ARID1B: variants seen among roughly 807,000 people sequenced by gnomAD.
The protein encoded by ARID1B is AT-rich interactive domain-containing protein 1B.
In ARID1B, 30 loss-of-function variants were observed where a neutral mutation model predicts 212.3. The observed-to-expected ratio is 0.14, with a 90% CI of 0.11 to 0.19. The LOEUF is 0.19. ARID1B is among the 10% of genes least tolerant of loss of function. The pLI, the probability that ARID1B is intolerant of heterozygous loss-of-function variation, is 1.00. For synonymous variants in ARID1B, 1,402 were observed against 1,301.7 expected, an observed-to-expected ratio of 1.08 and a Z score of -1.66; for missense variants, 2,891 against 3,204.0, an observed-to-expected ratio of 0.90 and a Z score of 2.36.
Position 156,779,186 on chromosome 6 carries a change from C to A in ARID1B, c.1506C>A (p.Leu502=). The A allele has an allele frequency of 1.5e-6, 2 of 1,343,002 alleles. No individual in the cohort carries two copies. Among genetic ancestry groups the A allele is most frequent in the Non-Finnish European group, 9.6e-7 (1 of 1,038,740 alleles). The allele number at this position is 1,343,002 out of a possible 1,614,324, so 83.2% of individuals were successfully genotyped here. Reference sequence around the variant, plus strand: ...ACCCGTCGGGGGCCACCCCGACCCTCAATCAGCTGCTCACCTCGCCCAGCC... The same window carrying A: ...ACCCGTCGGGGGCCACCCCGACCCTAAATCAGCTGCTCACCTCGCCCAGCC... ...NQHPSGATPT[L]NQLLTSPSPM... The change falls in exon 1 of 20, where the codon CTC becomes CTA. Residue 502 remains leucine, a synonymous_variant. Coordinates refer to ENST00000636930, the MANE Select transcript of ARID1B (RefSeq NM_001374828.1).
chr6:157,016,545 C>A (rs1424044114), intron 4 of ARID1B, among the ~76,000 whole-genome samples: 2 of 152,226 alleles, frequency 1.3e-5, no homozygotes, highest in African/African-American at 2.4e-5. Flanking sequence ...GCTGGGACCA[C>A]TGTCTGTGTG....
In ARID1B at chr6:157,160,669, G is replaced by A. The variant is rs769072971; in HGVS notation, c.3090-6371G>A. Among the ~76,000 whole-genome samples the A allele has an allele frequency of 3.0e-4, 45 of 152,224 alleles. 1 individual carries two copies. The highest frequency in any genetic ancestry group is 3.4e-3 in the Middle Eastern group (1 of 294). ...CCCAAGTGTCTTCCTGTTTCTCTTA[G>A]GATAAAGACCAAACCCAGAGAACCA... On this transcript the variant is annotated intron_variant, in intron 8 of 19. Coordinates refer to ENST00000636930, the MANE Select transcript of ARID1B (RefSeq NM_001374828.1).
chr6:156,920,749 T>C (rs558408724), intron 3 of ARID1B, among the ~76,000 whole-genome samples: 4 of 152,314 alleles, frequency 2.6e-5, no homozygotes, highest in Admixed American at 6.5e-5. Context: ...CTCTTTGCAT[T>C]AGCCTAGGGA....
At chr6:157,093,623 G>C (rs1583294540) in intron 5 of ARID1B, among the ~76,000 whole-genome samples, 1 of 152,204 alleles carries the variant, frequency 6.6e-6, no homozygotes, top group Non-Finnish European at 1.5e-5. Context: ...TGTTAATGTT[G>C]ATATTCTCCC....
In ARID1B at chr6:157,203,563, G is replaced by A. The variant is rs1339644167; in HGVS notation, c.5264-303G>A. ...TACCACATTGCAGACTCTGTAGGGT[G>A]GCTGAAAGAAATAACCCGGCCATGA... On this transcript the variant is annotated intron_variant, in intron 18 of 19. Coordinates refer to ENST00000636930, the MANE Select transcript of ARID1B (RefSeq NM_001374828.1). The surrounding 1 kb of genome is among the most constrained non-coding windows in gnomAD (Gnocchi z 4.4). 5 of 345,606 alleles carry A rather than the reference G, an allele frequency of 1.4e-5. No individual in the cohort carries two copies. Among genetic ancestry groups the A allele is most frequent in the East Asian group, 5.8e-5 (1 of 17,222 alleles). The allele number at this position is 345,606 out of a possible 1,614,324, so 21.4% of individuals were successfully genotyped here. A position where few individuals can be genotyped will look rare whatever the true frequency, so the allele number is the denominator to read the frequency against.
At chr6:156,845,231 G>A (rs1321698393) in intron 2 of ARID1B, among the ~76,000 whole-genome samples, 11 of 152,132 alleles carry the variant, frequency 7.2e-5, no homozygotes, top group Non-Finnish European at 1.5e-4. Flanking sequence ...TGATCTCCTG[G>A]TCAGAGCTGG....
At chr6:156,951,041 T>C (rs1279548987) in intron 4 of ARID1B, among the ~76,000 whole-genome samples, 2 of 152,188 alleles carry the variant, frequency 1.3e-5, no homozygotes, top group African/African-American at 4.8e-5. Flanking sequence ...TTTATAAAAG[T>C]GTTTAAAAAT....
intron 4 of ARID1B, chr6:157,023,462 AAAC>A (rs1200973576): frequency 9.2e-5 from 14 of 152,242 alleles, no homozygotes; most frequent in Non-Finnish European, 1.8e-4. Flanking sequence ...TTAAAAAAGA[AAAC>A]AATACAAATT....
chr6:156,905,407 T>C (rs1168854459), intron 3 of ARID1B, among the ~76,000 whole-genome samples: 1 of 152,188 alleles, frequency 6.6e-6, no homozygotes, highest in African/African-American at 2.4e-5. Context: ...GGAGAATTCC[T>C]TCTTGCTTAG....
chr6:156,885,057 A>C (rs1442308209), intron 2 of ARID1B, among the ~76,000 whole-genome samples: 1 of 152,124 alleles, frequency 6.6e-6, no homozygotes, highest in East Asian at 1.9e-4. Context: ...TTAAAGTGAA[A>C]ATCATTGTAG....
chr6:157,113,905 T>C (rs374576115), intron 6 of ARID1B, among the ~76,000 whole-genome samples: 1 of 152,360 alleles, frequency 6.6e-6, no homozygotes, highest in African/African-American at 2.4e-5. Flanking sequence ...TTATTAAAAC[T>C]TAGGAAGAAA....
In ARID1B at chr6:157,167,192, T is replaced by A. The variant is rs367584953; in HGVS notation, c.3235+7T>A. On this transcript the variant is annotated splice_region_variant and intron_variant, in intron 9 of 19. Transcript: ENST00000636930. ...ATGGTGAACAGCTCGGCAGGTAACC[T>A]TGGCAGCTCTGCGCTCCTGAGCCCC... 15 of 1,603,612 alleles carry A rather than the reference T, an allele frequency of 9.4e-6. No individual in the cohort carries two copies. The highest frequency in any genetic ancestry group is 1.3e-5 in the African/African-American group (1 of 74,810).
intron 8 of ARID1B, among the ~76,000 whole-genome samples, chr6:157,157,461 C>T (rs1012664943): frequency 6.6e-6 from 1 of 152,180 alleles, no homozygotes; most frequent in African/African-American, 2.4e-5. Context: ...AGGCTGATGA[C>T]CAGCAGGTGG....
At chr6:156,792,891 G>A (rs1780104986) in intron 1 of ARID1B, among the ~76,000 whole-genome samples, 1 of 151,938 alleles carries the variant, frequency 6.6e-6, no homozygotes, top group African/African-American at 2.4e-5. Flanking sequence ...TAATGGATAC[G>A]ATAGACTATG....
intron 2 of ARID1B, among the ~76,000 whole-genome samples, chr6:156,864,856 G>A (rs1253981410): frequency 6.6e-6 from 1 of 152,120 alleles, no homozygotes; most frequent in Non-Finnish European, 1.5e-5. Context: ...GAAGGGTGGG[G>A]AAACACTATT....
intron 4 of ARID1B, among the ~76,000 whole-genome samples, chr6:157,032,978 A>G (rs1475759864): frequency 6.6e-6 from 1 of 152,218 alleles, no homozygotes; most frequent in Non-Finnish European, 1.5e-5. Flanking sequence ...TCGACTATAC[A>G]GTAATTTACT....
chr6:157,058,092 T>C (rs150723448), intron 4 of ARID1B, among the ~76,000 whole-genome samples: 1 of 152,324 alleles, frequency 6.6e-6, no homozygotes, highest in Non-Finnish European at 1.5e-5. Context: ...CCAACTTCCA[T>C]GCACACCGAA....
intron 2 of ARID1B, among the ~76,000 whole-genome samples, chr6:156,863,397 G>A (rs1393964027): frequency 1.3e-5 from 2 of 152,118 alleles, no homozygotes; most frequent in Non-Finnish European, 2.9e-5. Flanking sequence ...GGATTCTCAA[G>A]GTTGGATGGA....
At chr6:157,129,093 T>C (rs1409549296) in intron 6 of ARID1B, among the ~76,000 whole-genome samples, 1 of 152,242 alleles carries the variant, frequency 6.6e-6, no homozygotes, top group Non-Finnish European at 1.5e-5. Context: ...AAAAGATATT[T>C]TTGGGAGTTT....
Sources: gnomAD v4.1 joint callset for allele counts (sites outside exome capture counted in the v4.1 genomes callset) on GRCh38, gnomAD v4.1.1 for gene constraint, Gnocchi (gnomAD v3.1) non-coding constraint, MANE v1.5 for transcripts, NCBI Gene and HGNC (gene_info 2026-07-23, HGNC 2026-07-21) for gene names.